Variants in LYRM4 observed in about 807,000 individuals in gnomAD.
LYRM4 encodes the protein LYR motif-containing protein 4.
A neutral mutation model predicts 11.7 loss-of-function variants in LYRM4; 9 were observed. The observed-to-expected ratio is 0.77, with a 90% CI of 0.46 to 1.34. The LOEUF is 1.34. Ranked by LOEUF, LYRM4 falls within the 40% of genes most tolerant of loss-of-function variation. LYRM4 has a pLI of 0.00. For missense variants in LYRM4, 133 were observed against 112.5 expected, an observed-to-expected ratio of 1.18 and a Z score of -0.82; for synonymous variants, 42 against 40.4, an observed-to-expected ratio of 1.04 and a Z score of -0.15.
intron 2 of LYRM4, chr6:5,132,814 A>C (rs1764015693): frequency 6.6e-6 from 1 of 152,238 alleles, no homozygotes; most frequent in Admixed American, 6.5e-5. Context: ...GAAGCAAAAG[A>C]GAACTAGAAC....
chr6:5,064,719 A>G, the LYRM4 span, among the ~76,000 whole-genome samples: 1 of 152,254 alleles, frequency 6.6e-6, no homozygotes. Flanking sequence ...TATTATTTTT[A>G]GTTGAAACAC....
At chr6:5,152,095 G>A (rs1758121263) in intron 2 of LYRM4, among the ~76,000 whole-genome samples, 1 of 152,176 alleles carries the variant, frequency 6.6e-6, no homozygotes, top group African/African-American at 2.4e-5. Flanking sequence ...TTGTCAATAT[G>A]TATCACTGGA....
At chr6:5,158,737 T>C (rs895825115) in intron 2 of LYRM4, among the ~76,000 whole-genome samples, 2 of 151,904 alleles carry the variant, frequency 1.3e-5, no homozygotes, top group African/African-American at 4.8e-5. Context: ...CCTCCCAAAG[T>C]GTTGGGATTA....
At chr6:5,154,786 T>C (rs541734098) in intron 2 of LYRM4, among the ~76,000 whole-genome samples, 2 of 151,666 alleles carry the variant, frequency 1.3e-5, no homozygotes, top group South Asian at 2.1e-4. Flanking sequence ...GCCACTGCAC[T>C]CCAGCCTGGG....
the LYRM4 span, among the ~76,000 whole-genome samples, chr6:5,093,890 C>G: frequency 1.3e-5 from 2 of 152,212 alleles, no homozygotes; most frequent in African/African-American, 2.4e-5. Context: ...GCAATGTAGC[C>G]TCGCCAGGTG....
chr6:5,124,227 T>C (rs904066911), intron 2 of LYRM4, among the ~76,000 whole-genome samples: 1 of 152,106 alleles, frequency 6.6e-6, no homozygotes, highest in Non-Finnish European at 1.5e-5. Flanking sequence ...AACCCACTTG[T>C]AGGGCTCCAC....
At chr6:5,202,005 T>G (rs1484038104) in intron 2 of LYRM4, among the ~76,000 whole-genome samples, 1 of 152,192 alleles carries the variant, frequency 6.6e-6, no homozygotes, top group African/African-American at 2.4e-5. Flanking sequence ...GGTCATCCTC[T>G]TTCATGAAAT....
chr6:5,144,335 T>G, intron 2 of LYRM4: 1 of 1,514,696 alleles, frequency 6.6e-7, no homozygotes, highest in Non-Finnish European at 8.9e-7. Flanking sequence ...GTGGCTTACG[T>G]GTAAGAAATA....
chr6:5,164,346 C>T (rs944165355), intron 2 of LYRM4, among the ~76,000 whole-genome samples: 1 of 152,160 alleles, frequency 6.6e-6, no homozygotes, highest in African/African-American at 2.4e-5. Flanking sequence ...AGAATGAATA[C>T]ATTGTGCTTT....
At chr6:5,069,660 T>G in the LYRM4 span, among the ~76,000 whole-genome samples, 2 of 152,130 alleles carry the variant, frequency 1.3e-5, no homozygotes, top group Non-Finnish European at 2.9e-5. Flanking sequence ...TTTTGTATTT[T>G]CATAGAGACA....
chr6:5,097,724 C>T, the LYRM4 span, among the ~76,000 whole-genome samples: 1 of 152,190 alleles, frequency 6.6e-6, no homozygotes, highest in Non-Finnish European at 1.5e-5. Flanking sequence ...CTCTTAAAGG[C>T]CCATTCTCTC....
the LYRM4 span, among the ~76,000 whole-genome samples, chr6:5,084,300 C>A: frequency 2.8e-4 from 42 of 152,242 alleles, no homozygotes; most frequent in African/African-American, 8.4e-4. Context: ...CTTCCCCACC[C>A]CTCCCCGGCC....
At chr6:5,057,024 AAATT>A in the LYRM4 span, among the ~76,000 whole-genome samples, 1 of 152,196 alleles carries the variant, frequency 6.6e-6, no homozygotes. Flanking sequence ...AGAGTTAATA[AAATT>A]AATTATTTTT....
chr6:5,260,598 T>TGCCCGGGCCCCGGGCCCCCCCC, intron 1 of LYRM4, 50 bp downstream of exon 1: 2 of 1,105,570 alleles, frequency 1.8e-6, no homozygotes, highest in Non-Finnish European at 2.6e-6. Context: ...GCACCCCCGG[T>TGCCCGGGCCCCGGGCCCCCCCC]CCCCGGCCCC....
At chr6:5,150,050 T>G (rs1202034337) in intron 2 of LYRM4, among the ~76,000 whole-genome samples, 2 of 152,146 alleles carry the variant, frequency 1.3e-5, no homozygotes, top group Non-Finnish European at 2.9e-5. Context: ...CATCCCCAAG[T>G]CCTCGCTGAC....
At chr6:5,134,983 C>T in intron 2 of LYRM4, among the ~76,000 whole-genome samples, 1 of 138,146 alleles carries the variant, frequency 7.2e-6, no homozygotes, top group South Asian at 2.4e-4. Flanking sequence ...GCTCCCGGGG[C>T]TGTGGAGGGT....
chr6:5,079,941 T>C, the LYRM4 span, among the ~76,000 whole-genome samples: 7 of 152,366 alleles, frequency 4.6e-5, no homozygotes, highest in East Asian at 1.3e-3. Flanking sequence ...CAACAGTGGC[T>C]AAACTATTCA....
At chr6:5,123,106 C>G (rs1290912128) in intron 2 of LYRM4, among the ~76,000 whole-genome samples, 1 of 152,200 alleles carries the variant, frequency 6.6e-6, no homozygotes, top group South Asian at 2.1e-4. Flanking sequence ...AGAAGTCAGG[C>G]TGAAGGGAGC....
chr6:5,201,894 T>C (rs1269417245), intron 2 of LYRM4, among the ~76,000 whole-genome samples: 1 of 152,242 alleles, frequency 6.6e-6, no homozygotes, highest in Non-Finnish European at 1.5e-5. Context: ...GCATCAACCA[T>C]TACTGGCTGC....
Sources: gnomAD v4.1 joint callset for allele counts (sites outside exome capture counted in the v4.1 genomes callset) on GRCh38, gnomAD v4.1.1 for gene constraint, MANE v1.5 for transcripts, NCBI Gene and HGNC (gene_info 2026-07-23, HGNC 2026-07-21) for gene names.